Variants in ADAMTS18 observed in about 807,000 individuals in gnomAD.
ADAMTS18 encodes ADAM metallopeptidase with thrombospondin type 1 motif 18.
ADAMTS18 carries 157 observed loss-of-function variants against 165.9 expected under a neutral mutation model. The ratio of observed to expected loss-of-function variants is 0.95; its 90% CI spans 0.83 to 1.08. ADAMTS18 has a LOEUF of 1.08. ADAMTS18 is among the 50% of genes least tolerant of loss of function. The pLI, the probability that ADAMTS18 is intolerant of heterozygous loss-of-function variation, is 0.00. For missense variants in ADAMTS18, 2,040 were observed against 1,534.0 expected (o/e 1.33, Z -5.51); for synonymous variants, 782 against 578.2 (o/e 1.35, Z -5.06).
In ADAMTS18 at chr16:77,282,906, C is replaced by CTTTTTTTTTTTTTTTTTT. The variant is rs1555507097; in HGVS notation, c.*1032_*1049dup. 2 of 77,580 alleles carry CTTTTTTTTTTTTTTTTTT rather than the reference C, an allele frequency of 2.6e-5. No homozygotes were observed. Among genetic ancestry groups the CTTTTTTTTTTTTTTTTTT allele is most frequent in the African/African-American group, 8.1e-5 (2 of 24,644 alleles). The allele number at this position is 77,580 out of a possible 1,614,324, so 4.8% of individuals were successfully genotyped here. A position where few individuals can be genotyped will look rare whatever the true frequency, so the allele number is the denominator to read the frequency against. ...CCACTGTTTACTCCTTTCTTTCTCT[C>CTTTTTTTTTTTTTTTTTT]TTTTTTTTTTTTTTTTTTTTGCTGT... On this transcript the variant is annotated 3_prime_UTR_variant, in exon 23 of 23. Transcript: ENST00000282849.
At chr16:77,396,588 T>C (rs961464910) in intron 3 of ADAMTS18, among the ~76,000 whole-genome samples, 2 of 152,084 alleles carry the variant, frequency 1.3e-5, no homozygotes, top group Non-Finnish European at 1.5e-5. Context: ...GAAAAACAAA[T>C]GTTGAAGCTG....
At chr16:77,334,736 A>ACT in intron 12 of ADAMTS18, among the ~76,000 whole-genome samples, 1 of 116,402 alleles carries the variant, frequency 8.6e-6, no homozygotes, top group East Asian at 2.5e-4. Flanking sequence ...TATATACTAT[A>ACT]GTATATATAC....
chr16:77,412,690 G>C (rs990188724), intron 3 of ADAMTS18, among the ~76,000 whole-genome samples: 1 of 152,102 alleles, frequency 6.6e-6, no homozygotes, highest in African/African-American at 2.4e-5. Context: ...GAGAGAATGA[G>C]AACCAATGGA....
chr16:77,336,211 C>CT (rs1308820807), intron 11 of ADAMTS18, among the ~76,000 whole-genome samples: 4 of 152,050 alleles, frequency 2.6e-5, no homozygotes, highest in Admixed American at 2.6e-4. Context: ...CCAAGGGAGT[C>CT]AGTATAAAGT....
chr16:77,433,027 T>TG (rs1337881063), intron 2 of ADAMTS18, among the ~76,000 whole-genome samples: 2 of 152,282 alleles, frequency 1.3e-5, no homozygotes, highest in South Asian at 2.1e-4. Flanking sequence ...TTTACAATAA[T>TG]GGGGGGAAAA....
intron 3 of ADAMTS18, among the ~76,000 whole-genome samples, chr16:77,417,771 G>C (rs1321702631): frequency 6.6e-6 from 1 of 152,222 alleles, no homozygotes; most frequent in Non-Finnish European, 1.5e-5. Flanking sequence ...AATAAAAAAA[G>C]TGTAAGTGGC....
chr16:77,347,508 G>A (rs1410809675), intron 10 of ADAMTS18, among the ~76,000 whole-genome samples: 1 of 152,152 alleles, frequency 6.6e-6, no homozygotes, highest in Non-Finnish European at 1.5e-5. Flanking sequence ...TCCAGTCAGT[G>A]TGCAGTGGTG....
At chr16:77,425,710 A>T (rs1427784199) in intron 3 of ADAMTS18, among the ~76,000 whole-genome samples, 1 of 152,168 alleles carries the variant, frequency 6.6e-6, no homozygotes, top group Non-Finnish European at 1.5e-5. Context: ...TGAACCGCAG[A>T]ACCCTGGTAC....
intron 12 of ADAMTS18, among the ~76,000 whole-genome samples, chr16:77,326,723 T>A (rs186050079): frequency 1.4e-4 from 21 of 152,378 alleles, no homozygotes; most frequent in Non-Finnish European, 2.1e-4. Context: ...TTAAATTTTT[T>A]AAAACTTTTA....
At chr16:77,347,351 G>A (rs992164995) in intron 10 of ADAMTS18, among the ~76,000 whole-genome samples, 3 of 152,262 alleles carry the variant, frequency 2.0e-5, no homozygotes, top group East Asian at 1.9e-4. Context: ...GTAAAGGTAG[G>A]TTTAACTTTC....
chr16:77,372,665 T>C (rs1002910497), intron 3 of ADAMTS18, among the ~76,000 whole-genome samples: 5 of 152,162 alleles, frequency 3.3e-5, no homozygotes, highest in African/African-American at 9.7e-5. Flanking sequence ...AGAGAATCAA[T>C]AGGCAAGATA....
At chr16:77,313,833 A>G (rs1236848656) in intron 16 of ADAMTS18, among the ~76,000 whole-genome samples, 1 of 152,220 alleles carries the variant, frequency 6.6e-6, no homozygotes, top group African/African-American at 2.4e-5. Flanking sequence ...CCTCAAAAGA[A>G]AAAGAAGTCT....
chr16:77,400,987 G>A (rs1307178956), intron 3 of ADAMTS18, among the ~76,000 whole-genome samples: 1 of 152,100 alleles, frequency 6.6e-6, no homozygotes, highest in African/African-American at 2.4e-5. Context: ...CAGGCATGGT[G>A]GCTCAGGCCT....
chr16:77,373,610 G>A (rs116378762), intron 3 of ADAMTS18, among the ~76,000 whole-genome samples: 1 of 151,888 alleles, frequency 6.6e-6, no homozygotes, highest in Admixed American at 6.6e-5. Context: ...ATTGGGTGCG[G>A]TGTATACTGC....
intron 16 of ADAMTS18, among the ~76,000 whole-genome samples, chr16:77,311,511 GCTT>G (rs1275236037): frequency 2.0e-5 from 3 of 151,962 alleles, no homozygotes; most frequent in Non-Finnish European, 4.4e-5. Context: ...ATAATTTATT[GCTT>G]ATTATAATTT....
At position 77,333,502 on chromosome 16, in the gene ADAMTS18, A is replaced by T. The variant is rs1411939529; in HGVS notation, c.1859+2254T>A. Among the ~76,000 whole-genome samples, 6 of 151,514 alleles carry T rather than the reference A, an allele frequency of 4.0e-5. 1 individual carries two copies. In the South Asian group the frequency reaches 1.2e-3, roughly 31 times the overall value. ...TGAAAAAAGAAATACCAAAAAAAAA[A>T]AAATAAAACAGTGTGTTCTGTTGGT... On this transcript the variant is annotated intron_variant, in intron 12 of 22. Coordinates refer to ENST00000282849, the MANE Select transcript of ADAMTS18 (RefSeq NM_199355.4).
intron 3 of ADAMTS18, among the ~76,000 whole-genome samples, chr16:77,421,718 T>G (rs919373): frequency 6.6e-6 from 1 of 152,204 alleles, no homozygotes; most frequent in East Asian, 1.9e-4. Flanking sequence ...ATGTCCCATA[T>G]GTATTTGACA....
At chr16:77,314,753 C>CTTATATATATATATATATATATAGATAT (rs1555511655) in intron 16 of ADAMTS18, among the ~76,000 whole-genome samples, 1 of 36,902 alleles carries the variant, frequency 2.7e-5, no homozygotes, top group Non-Finnish European at 5.4e-5. Flanking sequence ...TCTCAGGTTT[C>CTTATATATATATATATATATATAGATAT]ATATATATAT....
At chr16:77,327,058 A>G (rs1430005682) in intron 12 of ADAMTS18, among the ~76,000 whole-genome samples, 1 of 152,242 alleles carries the variant, frequency 6.6e-6, no homozygotes, top group Non-Finnish European at 1.5e-5. Context: ...ATAGTATTCC[A>G]TGGTGCATAT....
Sources: allele counts gnomAD v4.1 joint callset (sites outside exome capture counted in the v4.1 genomes callset), GRCh38; gene constraint gnomAD v4.1.1; transcripts MANE v1.5; gene names NCBI Gene and HGNC (gene_info 2026-07-23, HGNC 2026-07-21).